SIGLEC6: variants seen among roughly 807,000 people sequenced by gnomAD.
SIGLEC6 encodes the protein sialic acid binding Ig like lectin 6.
In SIGLEC6, 31 loss-of-function variants were observed where a neutral mutation model predicts 41.4. That is an observed-to-expected ratio of 0.75 (90% CI 0.56 to 1.01). The LOEUF is 1.01. Ranked by LOEUF, SIGLEC6 falls within the 50% of genes least tolerant of loss-of-function variation. The pLI, the probability that SIGLEC6 is intolerant of heterozygous loss-of-function variation, is 0.00. For synonymous variants in SIGLEC6, 217 were observed against 231.0 expected, an observed-to-expected ratio of 0.94 and a Z score of 0.55; for missense variants, 555 against 558.6, an observed-to-expected ratio of 0.99 and a Z score of 0.06.
Position 51,519,094 on chromosome 19 carries a change from G to C in SIGLEC6, c.*988C>G, listed in dbSNP as rs1232799951. 6.6e-6 allele frequency among the ~76,000 whole-genome samples: 1 copy of C among 152,058 alleles called. No homozygotes were observed. The highest frequency in any genetic ancestry group is 1.5e-5 in the Non-Finnish European group (1 of 68,010). On this transcript the variant is annotated 3_prime_UTR_variant, in exon 8 of 8. Coordinates refer to ENST00000425629, the MANE Select transcript of SIGLEC6 (RefSeq NM_001245.7). ...GCAGATCACGAGGTCAGGAGATCAA[G>C]ACCATCCTGGCTAACACGGTGAAAC...
chr19:51,529,443 C>G, intron 5 of SIGLEC6: 1 of 462,804 alleles, frequency 2.2e-6, no homozygotes, highest in African/African-American at 2.0e-5. Context: ...GAATCCCTGG[C>G]AGGGGCTCAG....
chr19:51,527,781 T>C lies in SIGLEC6; in HGVS notation c.1154A>G (p.Asp385Gly). The change falls in exon 7 of 8, where the codon GAT becomes GGT. Residue 385 changes from aspartate to glycine, a missense_variant. Coordinates refer to ENST00000425629, the MANE Select transcript of SIGLEC6 (RefSeq NM_001245.7). ...TGAGACCATGACGGGGTTCACATCATCCGTGTTTTGCACTGGCTGGGCTGC... is the reference window on the plus strand; with the variant it reads ...TGAGACCATGACGGGGTTCACATCACCCGTGTTTTGCACTGGCTGGGCTGC... ...KKAAQPVQNT[D>G]DVNPVMVSGS... The C allele has an allele frequency of 1.2e-6, 2 of 1,614,124 alleles. No individual in the cohort carries two copies. Among genetic ancestry groups the C allele is most frequent in the Admixed American group, 1.7e-5 (1 of 60,016 alleles).
rs374666276 is a variant in SIGLEC6, at chr19:51,526,122, C to G, written c.1188+1625G>C. 8.1e-4 allele frequency among the ~76,000 whole-genome samples: 123 copies of G among 152,264 alleles called. 1 individual carries two copies. In the East Asian group the frequency reaches 0.014, roughly 17 times the overall value. Reference sequence around the variant, plus strand: ...AGCTCTGCATTCCTCTAGGATGAAGCCCCAAGAGACAAGGAAAAAGCCCTC... The same window carrying G: ...AGCTCTGCATTCCTCTAGGATGAAGGCCCAAGAGACAAGGAAAAAGCCCTC... On this transcript the variant is annotated intron_variant, in intron 7 of 7. Coordinates refer to ENST00000425629, the MANE Select transcript of SIGLEC6 (RefSeq NM_001245.7).
chr19:51,531,226 A>G lies in SIGLEC6; in HGVS notation c.361T>C (p.Phe121Leu). The G allele has an allele frequency of 1.2e-6, 2 of 1,613,224 alleles. No individual in the cohort carries two copies. The highest frequency in any genetic ancestry group is 1.7e-6 in the Non-Finnish European group (2 of 1,179,450). Reference sequence around the variant, plus strand: ...TTCATCCATTTGGACTTCAACCGAAAGAAGTATGCAGCATTGTCCCTCCTC... The same window carrying G: ...TTCATCCATTTGGACTTCAACCGAAGGAAGTATGCAGCATTGTCCCTCCTC... ...ARRRDNAAYFFRLKSKWMKYG... is the reference protein window; with the variant it reads ...ARRRDNAAYFLRLKSKWMKYG... Residue 121 changes from phenylalanine (F) to leucine (L), a missense_variant, in exon 2 of 8, where the codon TTT (phenylalanine) becomes CTT (leucine). Transcript: ENST00000425629.
intron 5 of SIGLEC6, among the ~76,000 whole-genome samples, chr19:51,528,650 G>T (rs1979641443): frequency 6.6e-6 from 1 of 152,122 alleles, no homozygotes; most frequent in Non-Finnish European, 1.5e-5. Context: ...CTGGATCAGG[G>T]TGAGCCCTAA....
intron 7 of SIGLEC6, among the ~76,000 whole-genome samples, chr19:51,523,783 G>A (rs192771247): frequency 2.2e-4 from 34 of 152,322 alleles, no homozygotes; most frequent in Non-Finnish European, 3.5e-4. Context: ...CACTTTGGGC[G>A]GCTGAGGCAG....
chr19:51,522,046 GA>G (rs1335819077), intron 7 of SIGLEC6, among the ~76,000 whole-genome samples: 1 of 152,174 alleles, frequency 6.6e-6, no homozygotes, highest in Non-Finnish European at 1.5e-5. Context: ...AGTACAGAGA[GA>G]AAAAACTACA....
intron 3 of SIGLEC6, 59 bp from the exon 4 acceptor site, chr19:51,530,543 C>G (rs779535465): frequency 6.2e-7 from 1 of 1,611,206 alleles, no homozygotes; most frequent in Non-Finnish European, 8.5e-7. Flanking sequence ...AGGCATGGGG[C>G]CTTCCCCTCA....
At chr19:51,529,484 G>T (rs1568553669) in intron 5 of SIGLEC6, 1 of 553,274 alleles carries the variant, frequency 1.8e-6, no homozygotes, top group South Asian at 2.1e-5. Context: ...CGGCTGGCTG[G>T]GGGTGACTGT....
chr19:51,531,531 T>G lies in SIGLEC6; in HGVS notation c.68-12A>C, dbSNP rs370171131. ...CTGAGCCAGGGCCCCTATGGAGACA[T>G]GAGGGTCAGCTCGGCCCAGCCCCAC... is the stretch of plus-strand genomic sequence containing the variant. On this transcript the variant is annotated splice_polypyrimidine_tract_variant and intron_variant, in intron 1 of 7. Transcript: ENST00000425629. 2.2e-5 allele frequency: 36 copies of G among 1,613,784 alleles called. No individual in the cohort carries two copies. The African/African-American group carries it at 3.5e-4, about 16-fold the overall frequency.
At chr19:51,521,377 T>C (rs904514945) in intron 7 of SIGLEC6, among the ~76,000 whole-genome samples, 9 of 152,078 alleles carry the variant, frequency 5.9e-5, no homozygotes, top group African/African-American at 2.2e-4. Flanking sequence ...TGTGTGTGTA[T>C]ATGTGTGTGT....
At position 51,519,112 on chromosome 19, in the gene SIGLEC6, G is replaced by A. The variant is rs1244729139; in HGVS notation, c.*970C>T. Among the ~76,000 whole-genome samples, 21 of 152,024 alleles carry A rather than the reference G, an allele frequency of 1.4e-4. No individual in the cohort carries two copies. The highest frequency in any genetic ancestry group is 3.9e-4 in the African/African-American group (16 of 41,466). On this transcript the variant is annotated 3_prime_UTR_variant, in exon 8 of 8. Coordinates refer to ENST00000425629, the MANE Select transcript of SIGLEC6 (RefSeq NM_001245.7). ...AGATCAAGACCATCCTGGCTAACAC[G>A]GTGAAACCCCGTCTCTACTAAAAAT...
At chr19:51,530,623 A>G in intron 3 of SIGLEC6, 58 bp downstream of exon 3, 1 of 1,606,734 alleles carries the variant, frequency 6.2e-7, no homozygotes, top group Non-Finnish European at 8.5e-7. Context: ...GCTCTGGCTC[A>G]GCCCTGCCCT....
chr19:51,520,286 T>G, intron 7 of SIGLEC6, 31 bp from the exon 8 acceptor site: 14 of 1,496,112 alleles, frequency 9.4e-6, no homozygotes, highest in Non-Finnish European at 1.2e-5. Context: ...GATTCAGGGC[T>G]GGACAATAGG....
chr19:51,531,608 G>C lies in SIGLEC6; in HGVS notation c.41C>G (p.Pro14Arg), dbSNP rs1158191358. The change falls in exon 1 of 8, where the codon CCG becomes CGG. Residue 14 changes from proline (P) to arginine (R), a missense_variant. By Grantham distance (103) the Pro-to-Arg change is moderately radical. Coordinates refer to ENST00000425629, the MANE Select transcript of SIGLEC6 (RefSeq NM_001245.7). ...TGCCCACAGCAGGGGCAGCAGCAGCGGTAGCATCTCTGAGGCGGAGGCTTC... is the reference window on the plus strand; with the variant it reads ...TGCCCACAGCAGGGGCAGCAGCAGCCGTAGCATCTCTGAGGCGGAGGCTTC... The part of the protein sequence containing the change: ...AQEASASEML[P>R]LLLPLLWAGA... 1.2e-6 allele frequency: 2 copies of C among 1,613,048 alleles called. No individual in the cohort carries two copies. The highest frequency in any genetic ancestry group is 2.2e-5 in the South Asian group (2 of 90,944).
At position 51,519,011 on chromosome 19, in the gene SIGLEC6, C is replaced by T. The variant is rs1395855233; in HGVS notation, c.*1071G>A. ...GAAACCGTCTGTTAAAACAGCTAAT[C>T]AAAGCCGGGTGCGGTGGCTCATGCC... On this transcript the variant is annotated 3_prime_UTR_variant, in exon 8 of 8. Transcript: ENST00000425629. 6.6e-6 allele frequency among the ~76,000 whole-genome samples: 1 copy of T among 152,064 alleles called. No homozygotes were observed. Among genetic ancestry groups the T allele is most frequent in the Non-Finnish European group, 1.5e-5 (1 of 68,002 alleles).
rs1022694263 is a variant in SIGLEC6 at position 51,527,639 on chromosome 19, A to G, written c.1188+108T>C. 4.8e-6 allele frequency: 4 copies of G among 841,346 alleles called. No individual in the cohort carries two copies. The African/African-American group carries it at 5.1e-5, about 11-fold the overall frequency. The allele number at this position is 841,346 out of a possible 1,614,324, so 52.1% of individuals were successfully genotyped here. The stretch of plus-strand genomic sequence containing the variant: ...CAAAAATTTAAAATGTCACATGTGG[A>G]ACCGCAGGGAATGTCAGGTGTTAAT... On this transcript the variant is annotated intron_variant, in intron 7 of 7. Coordinates refer to ENST00000425629, the MANE Select transcript of SIGLEC6 (RefSeq NM_001245.7).
intron 5 of SIGLEC6, chr19:51,528,472 C>G (rs1979616740): frequency 1.7e-6 from 1 of 580,642 alleles, no homozygotes; most frequent in East Asian, 2.9e-5. Flanking sequence ...CCACTCTTGT[C>G]TGGGCCTTGG....
chr19:51,521,978 T>G (rs1978351684), intron 7 of SIGLEC6, among the ~76,000 whole-genome samples: 1 of 152,166 alleles, frequency 6.6e-6, no homozygotes, highest in African/African-American at 2.4e-5. Flanking sequence ...CTTATGAAAC[T>G]GTGGAGGCAG....
Sources: allele counts gnomAD v4.1 joint callset (sites outside exome capture counted in the v4.1 genomes callset), GRCh38; gene constraint gnomAD v4.1.1; transcripts MANE v1.5; gene names NCBI Gene and HGNC (gene_info 2026-07-23, HGNC 2026-07-21).